Variants in TRPS1 observed in about 807,000 individuals in gnomAD.
TRPS1 encodes the protein zinc finger transcription factor Trps1.
Under a neutral mutation model 101.2 loss-of-function variants are expected in TRPS1, and 6 were observed. The ratio of observed to expected loss-of-function variants is 0.06; its 90% CI spans 0.03 to 0.12. The LOEUF (loss-of-function observed/expected upper bound fraction) is 0.12. Among genes scored for constraint, TRPS1 ranks in the 10% least tolerant of loss-of-function variants. TRPS1 has a pLI of 1.00. For missense variants in TRPS1, 1,363 were observed against 1,567.0 expected (o/e 0.87, Z 2.20); for synonymous variants, 578 against 589.8 (o/e 0.98, Z 0.29).
At chr8:115,511,042 C>A (rs1425700459) in intron 5 of TRPS1, 2 of 151,424 alleles carry the variant, frequency 1.3e-5, no homozygotes, top group Non-Finnish European at 3.0e-5. Context: ...TTTGGTTTTC[C>A]TTTTAGGTCA....
chr8:115,520,831 T>C (rs1815843247), intron 5 of TRPS1, among the ~76,000 whole-genome samples: 1 of 151,872 alleles, frequency 6.6e-6, no homozygotes, highest in Non-Finnish European at 1.5e-5. Context: ...CTTCAGAAGG[T>C]CACGTTCCTC....
chr8:115,573,940 CAACT>C (rs1462596469), intron 5 of TRPS1, among the ~76,000 whole-genome samples: 1 of 152,124 alleles, frequency 6.6e-6, no homozygotes, highest in Non-Finnish European at 1.5e-5. Context: ...CCTTTTGGGA[CAACT>C]AAGTCGGTTT....
intron 5 of TRPS1, among the ~76,000 whole-genome samples, chr8:115,434,018 T>C (rs979387894): frequency 2.0e-5 from 3 of 152,134 alleles, no homozygotes; most frequent in African/African-American, 4.8e-5. Flanking sequence ...TTAAAAATGA[T>C]TATTGTATCA....
intron 1 of TRPS1, among the ~76,000 whole-genome samples, chr8:115,635,018 G>T (rs2130571214): frequency 6.6e-6 from 1 of 152,202 alleles, no homozygotes; most frequent in African/African-American, 2.4e-5. Flanking sequence ...GATGAACCCT[G>T]GCAGGTAATC....
intron 3 of TRPS1, among the ~76,000 whole-genome samples, chr8:115,617,570 C>A (rs1818300819): frequency 6.6e-6 from 1 of 152,038 alleles, no homozygotes; most frequent in Admixed American, 6.5e-5. Flanking sequence ...AGAAGTTGTC[C>A]CTAGAGTGAA....
At chr8:115,628,641 T>C (rs1433014160) in intron 1 of TRPS1, among the ~76,000 whole-genome samples, 1 of 151,872 alleles carries the variant, frequency 6.6e-6, no homozygotes, top group Non-Finnish European at 1.5e-5. Flanking sequence ...AATTTGGAGT[T>C]GGATAAGTAA....
At chr8:115,610,004 C>T (rs775816468) in intron 3 of TRPS1, among the ~76,000 whole-genome samples, 18 of 152,236 alleles carry the variant, frequency 1.2e-4, no homozygotes, top group Middle Eastern at 3.4e-3. Flanking sequence ...AATAATATGT[C>T]AAAGGAAAAT....
At chr8:115,470,773 T>A (rs1297584227) in intron 5 of TRPS1, among the ~76,000 whole-genome samples, 2 of 152,352 alleles carry the variant, frequency 1.3e-5, no homozygotes, top group African/African-American at 4.8e-5. Flanking sequence ...ATGATTCATA[T>A]TCTCTATGCC....
chr8:115,645,039 A>C (rs1355246796), intron 1 of TRPS1, among the ~76,000 whole-genome samples: 5 of 152,184 alleles, frequency 3.3e-5, no homozygotes, highest in Non-Finnish European at 7.3e-5. Flanking sequence ...AAAAGGTCTG[A>C]AATATAGCAG....
At chr8:115,574,914 A>G (rs1483183297) in intron 5 of TRPS1, among the ~76,000 whole-genome samples, 1 of 152,094 alleles carries the variant, frequency 6.6e-6, no homozygotes, top group East Asian at 1.9e-4. Flanking sequence ...CCACTATAAT[A>G]ATGTTTAAAA....
At chr8:115,514,516 T>A (rs1815661294) in intron 5 of TRPS1, among the ~76,000 whole-genome samples, 1 of 151,684 alleles carries the variant, frequency 6.6e-6, no homozygotes, top group Non-Finnish European at 1.5e-5. Context: ...TATTCTCTTT[T>A]CTTTCTTACC....
intron 5 of TRPS1, among the ~76,000 whole-genome samples, chr8:115,546,906 A>T (rs970765046): frequency 6.6e-6 from 1 of 152,170 alleles, no homozygotes; most frequent in Non-Finnish European, 1.5e-5. Flanking sequence ...TTATTAAATA[A>T]TTCAAAGAAA....
At chr8:115,599,615 A>G (rs1817864251) in intron 4 of TRPS1, among the ~76,000 whole-genome samples, 1 of 152,012 alleles carries the variant, frequency 6.6e-6, no homozygotes, top group African/African-American at 2.4e-5. Flanking sequence ...TTCCTGTGTT[A>G]GTTTGCTGAG....
At chr8:115,654,898 C>A (rs888510597) in intron 1 of TRPS1, among the ~76,000 whole-genome samples, 1 of 152,150 alleles carries the variant, frequency 6.6e-6, no homozygotes, top group Non-Finnish European at 1.5e-5. Flanking sequence ...TTTCTCACTG[C>A]ATCCTAATAA....
At chr8:115,508,360 A>T (rs1003675550) in intron 5 of TRPS1, among the ~76,000 whole-genome samples, 4 of 152,106 alleles carry the variant, frequency 2.6e-5, no homozygotes, top group African/African-American at 9.7e-5. Context: ...GAATTTCGCC[A>T]TTCTTTTTAG....
chr8:115,596,737 ATGTATG>A (rs1817795419), intron 4 of TRPS1, among the ~76,000 whole-genome samples: 1 of 151,722 alleles, frequency 6.6e-6, no homozygotes, highest in South Asian at 2.1e-4. Flanking sequence ...ACATACATCT[ATGTATG>A]TGTATATTTC....
rs1812737903 is a variant in TRPS1, at chr8:115,409,471, G to A, written c.*4552C>T. 6.6e-6 allele frequency: 1 copy of A among 151,892 alleles called. No individual in the cohort carries two copies. The highest frequency in any genetic ancestry group is 6.6e-5 in the Admixed American group (1 of 15,216). The allele number at this position is 151,892 out of a possible 1,614,324, so 9.4% of individuals were successfully genotyped here. On this transcript the variant is annotated 3_prime_UTR_variant, in exon 7 of 7. Transcript: ENST00000395715. ...ATGTACATTGTCTAGTTTCTCACGTGTGGATTACTCTTGAATTTCACATTT... is the reference window on the plus strand; with the variant it reads ...ATGTACATTGTCTAGTTTCTCACGTATGGATTACTCTTGAATTTCACATTT...
intron 5 of TRPS1, among the ~76,000 whole-genome samples, chr8:115,434,389 T>C (rs949648878): frequency 1.9e-4 from 29 of 152,228 alleles, no homozygotes; most frequent in African/African-American, 1.4e-4. Flanking sequence ...CTATGCAATA[T>C]GTTATTGTAA....
intron 5 of TRPS1, among the ~76,000 whole-genome samples, chr8:115,455,078 C>G (rs990577430): frequency 1.3e-5 from 2 of 152,188 alleles, no homozygotes; most frequent in Non-Finnish European, 2.9e-5. Flanking sequence ...TGCAAAATAT[C>G]TGCTGATATT....
Sources: allele counts gnomAD v4.1 joint callset (sites outside exome capture counted in the v4.1 genomes callset), GRCh38; gene constraint gnomAD v4.1.1; transcripts MANE v1.5; gene names NCBI Gene and HGNC (gene_info 2026-07-23, HGNC 2026-07-21).